BLTP3B: variants seen among roughly 807,000 people sequenced by gnomAD.
BLTP3B encodes bridge-like lipid transfer protein family member 3B.
the BLTP3B span, among the ~76,000 whole-genome samples, chr12:100,134,347 G>A: frequency 6.6e-6 from 1 of 152,178 alleles, no homozygotes; most frequent in Non-Finnish European, 1.5e-5. Flanking sequence ...GCTCAGGCCT[G>A]TAATCCCAAG....
chr12:100,084,378 TCACACACACACACACACACA>T, the BLTP3B span: 4,196 of 664,320 alleles, frequency 6.3e-3, 19 homozygotes, highest in East Asian at 0.046. Flanking sequence ...AATACTATGA[TCACACACACACACACACACA>T]CACACACACA....
chr12:100,038,412 T>C, the BLTP3B span, among the ~76,000 whole-genome samples: 1 of 152,206 alleles, frequency 6.6e-6, no homozygotes, highest in Non-Finnish European at 1.5e-5. Flanking sequence ...CTCAGCTCAC[T>C]GCAGCCTCCA....
chr12:100,061,656 CAAAAAAAAA>C, the BLTP3B span, among the ~76,000 whole-genome samples: 3 of 67,314 alleles, frequency 4.5e-5, no homozygotes, highest in African/African-American at 1.6e-4. Context: ...GACTCCGTCT[CAAAAAAAAA>C]AAAAAAAAAA....
chr12:100,098,200 A>C, the BLTP3B span: 1 of 778,428 alleles, frequency 1.3e-6, no homozygotes, highest in Admixed American at 3.0e-5. Context: ...CCTGAGCAAC[A>C]GAGTGAGACC....
chr12:100,109,584 T>C, the BLTP3B span, among the ~76,000 whole-genome samples: 1 of 151,990 alleles, frequency 6.6e-6, no homozygotes, highest in Non-Finnish European at 1.5e-5. Context: ...GCCAACATGG[T>C]GAAACCTGGT....
chr12:100,074,459 C>T, the BLTP3B span, among the ~76,000 whole-genome samples: 3 of 152,024 alleles, frequency 2.0e-5, no homozygotes, highest in South Asian at 6.2e-4. Context: ...ATCAGCTGGG[C>T]GTGGTGGCAC....
At chr12:100,059,501 A>G in the BLTP3B span, 1 of 1,602,446 alleles carries the variant, frequency 6.2e-7, no homozygotes, top group Non-Finnish European at 8.5e-7. Context: ...GATCTTGATG[A>G]CATTCAGATT....
At chr12:100,137,000 A>G in the BLTP3B span, among the ~76,000 whole-genome samples, 7 of 151,920 alleles carry the variant, frequency 4.6e-5, no homozygotes, top group Admixed American at 2.6e-4. Context: ...TAGTAGAGAC[A>G]GGGTTTCACC....
At chr12:100,124,764 A>G in the BLTP3B span, among the ~76,000 whole-genome samples, 1 of 150,072 alleles carries the variant, frequency 6.7e-6, no homozygotes, top group Admixed American at 6.7e-5. Context: ...ATAATAATAA[A>G]AATAAAAATT....
the BLTP3B span, among the ~76,000 whole-genome samples, chr12:100,061,721 A>G: frequency 6.6e-6 from 1 of 152,120 alleles, no homozygotes; most frequent in Non-Finnish European, 1.5e-5. Flanking sequence ...CTTATAAAAC[A>G]GATTAGTATG....
At chr12:100,038,820 TAG>T in the BLTP3B span, among the ~76,000 whole-genome samples, 1 of 152,230 alleles carries the variant, frequency 6.6e-6, no homozygotes, top group Non-Finnish European at 1.5e-5. Flanking sequence ...CTGCGTCACA[TAG>T]ATACATTAAA....
the BLTP3B span, among the ~76,000 whole-genome samples, chr12:100,122,242 T>C: frequency 1.3e-5 from 2 of 152,080 alleles, no homozygotes; most frequent in African/African-American, 4.8e-5. Flanking sequence ...TAGAAGCAAT[T>C]TTAAGCTTAA....
chr12:100,124,088 G>C, the BLTP3B span, among the ~76,000 whole-genome samples: 1 of 151,828 alleles, frequency 6.6e-6, no homozygotes, highest in African/African-American at 2.4e-5. Context: ...AACATAGCAA[G>C]ACCCCATCTC....
chr12:100,080,832 T>C, the BLTP3B span, among the ~76,000 whole-genome samples: 1 of 134,094 alleles, frequency 7.5e-6, no homozygotes, highest in East Asian at 1.9e-4. Flanking sequence ...CAGGGCAGAA[T>C]GATATGGTTT....
At chr12:100,084,322 C>T in the BLTP3B span, among the ~76,000 whole-genome samples, 2 of 151,082 alleles carry the variant, frequency 1.3e-5, no homozygotes, top group South Asian at 4.2e-4. Flanking sequence ...AGCAAGACCC[C>T]CATCTCTACA....
the BLTP3B span, among the ~76,000 whole-genome samples, chr12:100,041,727 G>A: frequency 7.9e-5 from 12 of 152,176 alleles, no homozygotes; most frequent in East Asian, 1.9e-4. Context: ...GAGCCACCGC[G>A]CCCGGCCTGC....
At chr12:100,091,436 C>T in the BLTP3B span, among the ~76,000 whole-genome samples, 2 of 151,792 alleles carry the variant, frequency 1.3e-5, no homozygotes, top group South Asian at 4.2e-4. Context: ...GATCTGCCCG[C>T]CTTGGCCTCC....
the BLTP3B span, chr12:100,059,368 T>TA: frequency 3.7e-6 from 6 of 1,613,948 alleles, no homozygotes; most frequent in East Asian, 2.2e-5. Flanking sequence ...TATGTTTTAC[T>TA]AAAAAAATCA....
chr12:100,078,039 C>G, the BLTP3B span, among the ~76,000 whole-genome samples: 1 of 152,086 alleles, frequency 6.6e-6, no homozygotes, highest in East Asian at 1.9e-4. Context: ...TTGGAATTTC[C>G]TATTTATGGT....
Sources: allele counts gnomAD v4.1 joint callset (sites outside exome capture counted in the v4.1 genomes callset), GRCh38; gene constraint gnomAD v4.1.1; transcripts MANE v1.5; gene names NCBI Gene and HGNC (gene_info 2026-07-23, HGNC 2026-07-21).